TENM1: variants seen among roughly 807,000 people sequenced by gnomAD.
TENM1 encodes teneurin-1.
Under a neutral mutation model 174.8 loss-of-function variants are expected in TENM1, and 35 were observed. The observed-to-expected ratio is 0.20, with a 90% CI of 0.15 to 0.27. The LOEUF is 0.27. TENM1 is among the 10% of genes least tolerant of loss of function. TENM1 has a pLI of 1.00. For synonymous variants in TENM1, 781 were observed against 798.7 expected (o/e 0.98, Z 0.37); for missense variants, 1,633 against 2,130.1 (o/e 0.77, Z 4.59).
the TENM1 span, among the ~76,000 whole-genome samples, chrX:124,980,415 T>G: frequency 1.1e-4 from 12 of 111,093 alleles, no homozygotes; most frequent in East Asian, 3.4e-3. Flanking sequence ...AAAAATACCA[T>G]AAGTCGAAAA....
intron 3 of TENM1, among the ~76,000 whole-genome samples, chrX:124,797,396 G>C (rs2055329755): frequency 9.0e-6 from 1 of 111,429 alleles, no homozygotes; most frequent in Admixed American, 9.5e-5. Flanking sequence ...TGGCTTTTTA[G>C]TCACTAGGTA....
At chrX:124,853,169 A>G (rs1381295955) in intron 3 of TENM1, among the ~76,000 whole-genome samples, 2 of 111,799 alleles carry the variant, frequency 1.8e-5, no homozygotes, top group African/African-American at 6.5e-5. Context: ...AGCATGTTAG[A>G]TATTGACAAG....
intron 20 of TENM1, among the ~76,000 whole-genome samples, chrX:124,488,434 A>C (rs1233064140): frequency 8.9e-6 from 1 of 112,096 alleles, no homozygotes; most frequent in African/African-American, 3.2e-5. Context: ...CTTTTTAAAA[A>C]GAACCTTTCT....
At chrX:124,852,635 T>C (rs12394454) in intron 3 of TENM1, among the ~76,000 whole-genome samples, 3,169 of 111,087 alleles carry the variant, frequency 0.029, 107 homozygotes, top group African/African-American at 0.094. Context: ...ATCTAGTAGA[T>C]ATCCAATATG....
chrX:124,774,173 T>G (rs921584544), intron 3 of TENM1, among the ~76,000 whole-genome samples: 4 of 111,932 alleles, frequency 3.6e-5, no homozygotes, highest in Admixed American at 9.5e-5. Context: ...AGCACTATTT[T>G]TAAAAAGAGA....
At chrX:125,200,045 G>A in the TENM1 span, among the ~76,000 whole-genome samples, 1 of 111,330 alleles carries the variant, frequency 9.0e-6, no homozygotes, top group Non-Finnish European at 1.9e-5. Flanking sequence ...GGTCATCAAG[G>A]TTGTTAAGAA....
chrX:124,729,077 C>T (rs1005764621), intron 4 of TENM1, among the ~76,000 whole-genome samples: 3 of 112,183 alleles, frequency 2.7e-5, no homozygotes, highest in African/African-American at 6.5e-5. Context: ...CTCATAGAAG[C>T]GGCAGTGCAC....
chrX:125,127,009 C>T, the TENM1 span, among the ~76,000 whole-genome samples: 2 of 111,234 alleles, frequency 1.8e-5, no homozygotes, highest in Non-Finnish European at 3.8e-5. Flanking sequence ...GGAAGAAAGC[C>T]GAATGTAATA....
chrX:125,156,799 G>A, the TENM1 span, among the ~76,000 whole-genome samples: 1 of 111,760 alleles, frequency 8.9e-6, no homozygotes, highest in Non-Finnish European at 1.9e-5. Flanking sequence ...TGGATTGAAT[G>A]GTAGTTCTAT....
intron 11 of TENM1, among the ~76,000 whole-genome samples, chrX:124,587,600 A>C (rs1172529954): frequency 0.012 from 1,280 of 111,302 alleles, 20 homozygotes; most frequent in African/African-American, 0.04. Context: ...AAGAAAACCT[A>C]GGCATTACCA....
intron 16 of TENM1, among the ~76,000 whole-genome samples, chrX:124,526,295 A>G (rs759082152): frequency 2.9e-4 from 33 of 112,187 alleles, no homozygotes; most frequent in Non-Finnish European, 5.6e-4. Flanking sequence ...CCTGCCCGAC[A>G]GATTTCAGAC....
chrX:124,515,348 G>C (rs2047679095), intron 18 of TENM1, among the ~76,000 whole-genome samples: 1 of 111,381 alleles, frequency 9.0e-6, no homozygotes, highest in Non-Finnish European at 1.9e-5. Flanking sequence ...GTCCTGGCCA[G>C]AGCAATACAG....
At chrX:124,576,712 C>T (rs992613649) in intron 11 of TENM1, among the ~76,000 whole-genome samples, 2 of 111,986 alleles carry the variant, frequency 1.8e-5, no homozygotes, top group East Asian at 2.8e-4. Flanking sequence ...AGCTACTTTT[C>T]GTATATAAAG....
intron 18 of TENM1, among the ~76,000 whole-genome samples, chrX:124,510,826 A>G (rs1478885710): frequency 2.7e-5 from 3 of 109,174 alleles, no homozygotes; most frequent in Non-Finnish European, 5.7e-5. Flanking sequence ...CTGTCTTTGT[A>G]GCATCACATT....
At chrX:124,650,320 C>T (rs1254460259) in intron 8 of TENM1, among the ~76,000 whole-genome samples, 1 of 107,610 alleles carries the variant, frequency 9.3e-6, no homozygotes, top group East Asian at 2.9e-4. Flanking sequence ...GTAGCAGAAA[C>T]GTTTCTGTTG....
At chrX:124,850,627 T>G (rs1422076278) in intron 3 of TENM1, among the ~76,000 whole-genome samples, 2 of 111,203 alleles carry the variant, frequency 1.8e-5, no homozygotes, top group Non-Finnish European at 3.8e-5. Flanking sequence ...GACTCGATTT[T>G]ATTTTTCCCA....
chrX:124,545,998 A>G (rs1394247706), intron 15 of TENM1, among the ~76,000 whole-genome samples: 1 of 112,301 alleles, frequency 8.9e-6, no homozygotes, highest in African/African-American at 3.2e-5. Flanking sequence ...TACTATGTAT[A>G]GGTCAAGATG....
At chrX:124,395,832 C>T (rs1252864793) in intron 27 of TENM1, among the ~76,000 whole-genome samples, 2 of 112,063 alleles carry the variant, frequency 1.8e-5, no homozygotes, top group East Asian at 5.5e-4. Flanking sequence ...TATCCATGTA[C>T]TCCCAGAGAT....
At chrX:124,421,471 A>T (rs2147745798) in intron 24 of TENM1, among the ~76,000 whole-genome samples, 1 of 112,224 alleles carries the variant, frequency 8.9e-6, no homozygotes, top group South Asian at 3.7e-4. Context: ...GGTTAAGAGA[A>T]CCATTCGGGC....
Sources: allele counts gnomAD v4.1 joint callset (sites outside exome capture counted in the v4.1 genomes callset), GRCh38; gene constraint gnomAD v4.1.1; transcripts MANE v1.5; gene names NCBI Gene and HGNC (gene_info 2026-07-23, HGNC 2026-07-21).